Variants in CDH20 observed in about 807,000 individuals in gnomAD.
The protein encoded by CDH20 is cadherin-20.
Under a neutral mutation model 74.2 loss-of-function variants are expected in CDH20, and 29 were observed. The ratio of observed to expected loss-of-function variants is 0.39; its 90% CI spans 0.29 to 0.53. The LOEUF (loss-of-function observed/expected upper bound fraction) is 0.53. Ranked by LOEUF, CDH20 falls within the 20% of genes least tolerant of loss-of-function variation. CDH20 has a pLI of 0.69. For missense variants in CDH20, 988 were observed against 1,048.3 expected, an observed-to-expected ratio of 0.94 and a Z score of 0.79; for synonymous variants, 469 against 405.4, an observed-to-expected ratio of 1.16 and a Z score of -1.88.
At chr18:61,412,409 A>G (rs1212993977) in intron 1 of CDH20, among the ~76,000 whole-genome samples, 2 of 152,202 alleles carry the variant, frequency 1.3e-5, no homozygotes, top group African/African-American at 4.8e-5. Context: ...TTTAACAACA[A>G]TTTGGAAATA....
intron 1 of CDH20, among the ~76,000 whole-genome samples, chr18:61,480,270 T>C (rs1910542996): frequency 1.3e-5 from 2 of 152,210 alleles, no homozygotes; most frequent in African/African-American, 4.8e-5. Flanking sequence ...TTACATATTA[T>C]TAGGTGTGAA....
chr18:61,448,281 A>G (rs7240313), intron 1 of CDH20, among the ~76,000 whole-genome samples: 3,975 of 152,306 alleles, frequency 0.026, 168 homozygotes, highest in African/African-American at 0.091. Flanking sequence ...GTATGGGAAT[A>G]ATGGGATTCC....
intron 1 of CDH20, among the ~76,000 whole-genome samples, chr18:61,421,116 C>T (rs1306968953): frequency 6.6e-6 from 1 of 152,104 alleles, no homozygotes; most frequent in East Asian, 1.9e-4. Context: ...GGGTCATGAC[C>T]TTGCTCTTTC....
At chr18:61,388,234 G>A (rs1214779928) in intron 1 of CDH20, among the ~76,000 whole-genome samples, 1 of 152,166 alleles carries the variant, frequency 6.6e-6, no homozygotes, top group African/African-American at 2.4e-5. Context: ...GCCAAGAAGA[G>A]TGTTCCAAGA....
At chr18:61,534,483 GC>G (rs748131618) in intron 7 of CDH20, among the ~76,000 whole-genome samples, 18 of 152,304 alleles carry the variant, frequency 1.2e-4, no homozygotes, top group Non-Finnish European at 2.1e-4. Flanking sequence ...CAACCTTAGT[GC>G]CCATCAACAG....
rs1218649747 is a variant in CDH20 at position 61,354,036 on chromosome 18, C to T, written c.-153+20209C>T. On this transcript the variant is annotated intron_variant, in intron 1 of 11. Coordinates refer to ENST00000262717, the MANE Select transcript of CDH20 (RefSeq NM_031891.4). ...CTCAGCCTGGGTGACAGACAGAGAC[C>T]CTGTCAAAAAAAAAAAAAGAAAAAG... is the stretch of plus-strand genomic sequence containing the variant. Among the ~76,000 whole-genome samples, 17 of 75,612 alleles carry T rather than the reference C, an allele frequency of 2.2e-4. No individual in the cohort carries two copies. The Admixed American group carries it at 2.4e-3, about 11-fold the overall frequency. 49.6% of individuals were successfully genotyped at this position (75,612 alleles called of 152,430 possible).
At chr18:61,414,542 C>A (rs890224858) in intron 1 of CDH20, among the ~76,000 whole-genome samples, 32 of 152,004 alleles carry the variant, frequency 2.1e-4, no homozygotes, top group Non-Finnish European at 4.4e-5. Context: ...ATACAAGTGT[C>A]AAAATGAGTG....
intron 1 of CDH20, among the ~76,000 whole-genome samples, chr18:61,375,102 G>A (rs1179411095): frequency 2.0e-5 from 3 of 152,178 alleles, no homozygotes; most frequent in Non-Finnish European, 4.4e-5. Context: ...CTATTCATCA[G>A]AGAGGCTAAG....
rs371319413 is a variant in CDH20 at position 61,393,859 on chromosome 18, A to G, written c.-153+60032A>G. On this transcript the variant is annotated intron_variant, in intron 1 of 11. Transcript: ENST00000262717. ...TGTTTATATACATAGTGTAACTGAAAGAGCTTATTTCCAGTTGGCAGACCT... is the reference window on the plus strand; with the variant it reads ...TGTTTATATACATAGTGTAACTGAAGGAGCTTATTTCCAGTTGGCAGACCT... Among the ~76,000 whole-genome samples, 22 of 152,326 alleles carry G rather than the reference A, an allele frequency of 1.4e-4. No individual in the cohort carries two copies. In the East Asian group the frequency reaches 1.5e-3, roughly 11 times the overall value.
intron 7 of CDH20, among the ~76,000 whole-genome samples, chr18:61,533,213 C>T (rs966906507): frequency 1.1e-4 from 16 of 152,088 alleles, no homozygotes; most frequent in African/African-American, 3.4e-4. Context: ...GAGGCTGAGG[C>T]GGAAGGATCA....
Position 61,443,560 on chromosome 18 carries a change from C to T in CDH20, c.-152-46842C>T, listed in dbSNP as rs79472217. 4.6e-3 allele frequency among the ~76,000 whole-genome samples: 696 copies of T among 152,200 alleles called. 9 individuals are homozygous for T. Among genetic ancestry groups the T allele is most frequent in the African/African-American group, 0.016 (658 of 41,520 alleles). ...GCCGTGCTACTCAGAGTGTGGCCCT[C>T]GGACCAGCACCTGTCCACAAACTAT... is the stretch of plus-strand genomic sequence containing the variant. On this transcript the variant is annotated intron_variant, in intron 1 of 11. Transcript: ENST00000262717.
At chr18:61,429,720 TTCTC>T (rs573371268) in intron 1 of CDH20, among the ~76,000 whole-genome samples, 1 of 152,254 alleles carries the variant, frequency 6.6e-6, no homozygotes. Flanking sequence ...ACCTCGGCAA[TTCTC>T]TCTAATTCCC....
intron 1 of CDH20, among the ~76,000 whole-genome samples, chr18:61,446,416 G>A (rs1038765380): frequency 9.2e-5 from 14 of 152,110 alleles, no homozygotes; most frequent in Non-Finnish European, 1.9e-4. Context: ...TTCTGAACAT[G>A]ACCTTCTCCG....
chr18:61,376,750 C>T (rs997402691), intron 1 of CDH20, among the ~76,000 whole-genome samples: 1 of 152,046 alleles, frequency 6.6e-6, no homozygotes, highest in African/African-American at 2.4e-5. Flanking sequence ...GGAGGTATAA[C>T]TTTAAGTTAT....
At chr18:61,413,859 A>C (rs1237319830) in intron 1 of CDH20, among the ~76,000 whole-genome samples, 1 of 152,186 alleles carries the variant, frequency 6.6e-6, no homozygotes, top group Non-Finnish European at 1.5e-5. Context: ...GGGAACATAC[A>C]GAACACTTTT....
chr18:61,405,310 G>A, intron 1 of CDH20: 1 of 272,938 alleles, frequency 3.7e-6, no homozygotes, highest in Non-Finnish European at 7.0e-6. Context: ...ATATAGGGTT[G>A]GGTTTGGTGG....
rs1357065762 is a variant in CDH20, at chr18:61,554,709, G to T, written c.*14G>T. Reference sequence around the variant, plus strand: ...CCGCTGTGGTGACGGAAGCCAGGAGGCAGGCGCGCGTCCAAATCCAGACGT... The same window carrying T: ...CCGCTGTGGTGACGGAAGCCAGGAGTCAGGCGCGCGTCCAAATCCAGACGT... On this transcript the variant is annotated 3_prime_UTR_variant, in exon 12 of 12. Transcript: ENST00000262717. 6.5e-7 allele frequency: 1 copy of T among 1,535,914 alleles called. No individual in the cohort carries two copies. The highest frequency in any genetic ancestry group is 1.9e-5 in the Admixed American group (1 of 52,570).
At chr18:61,462,017 T>C (rs1909795987) in intron 1 of CDH20, among the ~76,000 whole-genome samples, 1 of 152,072 alleles carries the variant, frequency 6.6e-6, no homozygotes, top group Admixed American at 6.6e-5. Context: ...TCCTATGCAA[T>C]TGGTTTGCAT....
intron 8 of CDH20, among the ~76,000 whole-genome samples, 193 bp downstream of exon 8, chr18:61,536,822 G>T (rs1300183036): frequency 5.3e-5 from 8 of 152,160 alleles, no homozygotes; most frequent in Admixed American, 3.9e-4. Context: ...TTAGTCCTGT[G>T]CTAGAGATAA....
Sources: allele counts gnomAD v4.1 joint callset (sites outside exome capture counted in the v4.1 genomes callset), GRCh38; gene constraint gnomAD v4.1.1; transcripts MANE v1.5; gene names NCBI Gene and HGNC (gene_info 2026-07-23, HGNC 2026-07-21).